CACNA1G: variants seen among roughly 807,000 people sequenced by gnomAD.
CACNA1G encodes calcium voltage-gated channel subunit alpha1 G.
In CACNA1G, 67 loss-of-function variants were observed where a neutral mutation model predicts 219.4. The ratio of observed to expected loss-of-function variants is 0.31; its 90% CI spans 0.25 to 0.37. The LOEUF (loss-of-function observed/expected upper bound fraction) is 0.37, where lower values mean the gene tolerates loss of function less well. Ranked by LOEUF, CACNA1G falls within the 10% of genes least tolerant of loss-of-function variation. The probability of loss-of-function intolerance (pLI) is 1.00; values close to 1 mark genes in which losing one functional copy is unlikely to be tolerated. For missense variants in CACNA1G, 2,380 were observed against 3,231.4 expected (o/e 0.74, Z 6.39); for synonymous variants, 1,296 against 1,345.3 (o/e 0.96, Z 0.80).
Position 50,578,641 on chromosome 17 carries a change from C to A in CACNA1G, c.2301+77C>A. 1 of 1,405,400 alleles carries A rather than the reference C, an allele frequency of 7.1e-7. No homozygotes were observed. The highest frequency in any genetic ancestry group is 9.5e-7 in the Non-Finnish European group (1 of 1,047,370). The allele number at this position is 1,405,400 out of a possible 1,614,324, so 87.1% of individuals were successfully genotyped here. On this transcript the variant is annotated intron_variant, in intron 9 of 37. Coordinates refer to ENST00000359106, the MANE Select transcript of CACNA1G (RefSeq NM_018896.5). The surrounding 1 kb of genome is among the most constrained non-coding windows in gnomAD (Gnocchi z 4.5). ...CTGGGGCCTTCTACCTCCCTCCGCA[C>A]CCCTCCTCCTGAGCTCAGCTTCCTC...
chr17:50,598,147 C>T (rs1265726255), intron 16 of CACNA1G, among the ~76,000 whole-genome samples: 3 of 152,218 alleles, frequency 2.0e-5, no homozygotes, highest in African/African-American at 7.2e-5. Context: ...CCTGCCTCAG[C>T]CACCTGATTA....
At chr17:50,624,574 C>T in intron 37 of CACNA1G, 45 bp downstream of exon 37, 6 of 1,493,730 alleles carry the variant, frequency 4.0e-6, no homozygotes, top group Non-Finnish European at 5.4e-6. Context: ...GGGCTGGACC[C>T]TCTGCTGCTG....
In CACNA1G at chr17:50,617,677, C is replaced by A; in HGVS notation, c.5155+106C>A. The A allele has an allele frequency of 6.8e-7, 1 of 1,476,166 alleles. No homozygotes were observed. Among genetic ancestry groups the A allele is most frequent in the South Asian group, 1.3e-5 (1 of 78,468 alleles). The allele number at this position is 1,476,166 out of a possible 1,614,324, so 91.4% of individuals were successfully genotyped here. A position where few individuals can be genotyped will look rare whatever the true frequency, so the allele number is the denominator to read the frequency against. On this transcript the variant is annotated intron_variant, in intron 29 of 37. Coordinates refer to ENST00000359106, the MANE Select transcript of CACNA1G (RefSeq NM_018896.5). This position sits in a 1 kb window ranked among gnomAD's most constrained non-coding sequence, Gnocchi z 5.8. ...CAAGGCCTGGGCGGCTGTGGGTTCC[C>A]ATGGGTCTTTCTCCCAGCTTCTGCC...
chr17:50,601,313 C>A lies in CACNA1G; in HGVS notation c.3915+139C>A, dbSNP rs933607483. ...AGGGGGCCAGGACTCTCCTTTAGGT[C>A]TCTCACCAGATCCTGGTCCCCGGGA... is the stretch of plus-strand genomic sequence containing the variant. On this transcript the variant is annotated intron_variant, in intron 19 of 37. Transcript: ENST00000359106. 1.1e-5 allele frequency: 12 copies of A among 1,046,698 alleles called. No homozygotes were observed. The African/African-American group carries it at 1.9e-4, about 17-fold the overall frequency. 64.8% of individuals were successfully genotyped at this position (1,046,698 alleles called of 1,614,324 possible). A position where few individuals can be genotyped will look rare whatever the true frequency, so the allele number is the denominator to read the frequency against.
At chr17:50,606,358 C>T (rs2047967485) in intron 23 of CACNA1G, 2 of 616,526 alleles carry the variant, frequency 3.2e-6, no homozygotes, top group African/African-American at 1.8e-5. Context: ...GAATCCTGTG[C>T]AAATCCTGAC....
intron 34 of CACNA1G, among the ~76,000 whole-genome samples, chr17:50,620,586 T>C (rs556913362): frequency 6.6e-6 from 1 of 151,676 alleles, no homozygotes; most frequent in African/African-American, 2.4e-5. Flanking sequence ...GGCCCCACCC[T>C]CCCTCCACCT....
At chr17:50,625,208 A>G (rs1235066780) in intron 37 of CACNA1G, among the ~76,000 whole-genome samples, 1 of 152,076 alleles carries the variant, frequency 6.6e-6, no homozygotes, top group Non-Finnish European at 1.5e-5. Context: ...CGCCTCGGCC[A>G]CCCAAAGTGC....
chr17:50,599,961 C>T (rs1047425499), intron 17 of CACNA1G, 102 bp downstream of exon 17: 10 of 1,178,732 alleles, frequency 8.5e-6, no homozygotes, highest in South Asian at 1.5e-5. Flanking sequence ...TCCAAGCCCA[C>T]GGAATATCAA....
At position 50,609,949 on chromosome 17, in the gene CACNA1G, G is replaced by T; in HGVS notation, c.4759+14G>T. On this transcript the variant is annotated intron_variant, in intron 26 of 37. Coordinates refer to ENST00000359106, the MANE Select transcript of CACNA1G (RefSeq NM_018896.5). ...GCGCTGCGTCAGGTACTGCGTCTGG[G>T]GTGTGGGCTCATGCGTGTGGGGACA... 1 of 1,607,944 alleles carries T rather than the reference G, an allele frequency of 6.2e-7. No individual in the cohort carries two copies.
Position 50,576,124 on chromosome 17 carries a change from G to T in CACNA1G, c.1722G>T (p.Arg574Ser). ...TCCGCTGCCAGGCGCCCCCTCCCAG[G>T]TCCCCATCTGAGGCATCCGGCAGGA... ...EPVRCQAPPP[R>S]SPSEASGRTV... The change falls in exon 8 of 38, where the codon AGG becomes AGT. Residue 574 changes from arginine (R) to serine (S), a missense_variant. Physicochemically the swap from Arg to Ser is moderately radical, Grantham distance 110. Transcript: ENST00000359106. The T allele has an allele frequency of 1.2e-6, 2 of 1,603,618 alleles. No individual in the cohort carries two copies. The highest frequency in any genetic ancestry group is 1.7e-6 in the Non-Finnish European group (2 of 1,175,930).
At chr17:50,590,286 C>T (rs2044005122) in intron 9 of CACNA1G, among the ~76,000 whole-genome samples, 185 bp from the exon 10 acceptor site, 1 of 152,112 alleles carries the variant, frequency 6.6e-6, no homozygotes, top group African/African-American at 2.4e-5. Context: ...GGGCCCCTGC[C>T]CCTGGGTGCA....
At chr17:50,601,021 C>A (rs373435205) in intron 18 of CACNA1G, 30 bp from the exon 19 acceptor site, 3 of 1,609,182 alleles carry the variant, frequency 1.9e-6, no homozygotes, top group Admixed American at 1.7e-5. Flanking sequence ...CTGCCTCCCC[C>A]TCTCAGCCGT....
rs1214718493 is a variant in CACNA1G at position 50,604,300 on chromosome 17, G to A, written c.4296+19G>A. 4 of 1,610,710 alleles carry A rather than the reference G, an allele frequency of 2.5e-6. No homozygotes were observed. Among genetic ancestry groups the A allele is most frequent in the African/African-American group, 1.3e-5 (1 of 74,880 alleles). ...GGTGCAGGTGTGTGGGGTTCTGGGG[G>A]CCAGCTGTGGGTGAAAGCCTGAAGA... On this transcript the variant is annotated intron_variant, in intron 22 of 37. Transcript: ENST00000359106.
intron 26 of CACNA1G, among the ~76,000 whole-genome samples, chr17:50,612,074 C>A (rs1025931521): frequency 1.3e-5 from 2 of 152,254 alleles, no homozygotes; most frequent in South Asian, 2.1e-4. Flanking sequence ...TATGCCAGAG[C>A]TTTTCAAACT....
rs988846025 is a variant in CACNA1G at position 50,572,132 on chromosome 17, T to C, written c.746+95T>C. Reference sequence around the variant, plus strand: ...CACTTCCGGTTGCTACTGACATATCTGTTCTAACATCTGAGACATATCTGG... The same window carrying C: ...CACTTCCGGTTGCTACTGACATATCCGTTCTAACATCTGAGACATATCTGG... On this transcript the variant is annotated intron_variant, in intron 5 of 37. Transcript: ENST00000359106. 7.5e-6 allele frequency: 10 copies of C among 1,327,318 alleles called. No individual in the cohort carries two copies. The African/African-American group carries it at 1.3e-4, about 17-fold the overall frequency. 82.2% of individuals were successfully genotyped at this position (1,327,318 alleles called of 1,614,324 possible).
In CACNA1G at chr17:50,596,693, G is replaced by A. The variant is rs750288055; in HGVS notation, c.3065-37G>A. ...CGACTTTTGGCCCTGGGCCAGCCCT[G>A]TGTGGACTCGGGATCTCTCCCTCTC... is the stretch of plus-strand genomic sequence containing the variant. On this transcript the variant is annotated intron_variant, in intron 15 of 37. Transcript: ENST00000359106. The surrounding 1 kb of genome is among the most constrained non-coding windows in gnomAD (Gnocchi z 4.8). 1.2e-6 allele frequency: 2 copies of A among 1,613,430 alleles called. No homozygotes were observed. Among genetic ancestry groups the A allele is most frequent in the East Asian group, 4.5e-5 (2 of 44,884 alleles).
Position 50,578,652 on chromosome 17 carries a change from G to A in CACNA1G, c.2301+88G>A. 1 of 1,342,580 alleles carries A rather than the reference G, an allele frequency of 7.4e-7. No homozygotes were observed. Among genetic ancestry groups the A allele is most frequent in the Admixed American group, 2.5e-5 (1 of 39,512 alleles). The allele number at this position is 1,342,580 out of a possible 1,614,324, so 83.2% of individuals were successfully genotyped here. A position where few individuals can be genotyped will look rare whatever the true frequency, so the allele number is the denominator to read the frequency against. Reference sequence around the variant, plus strand: ...TACCTCCCTCCGCACCCCTCCTCCTGAGCTCAGCTTCCTCTCCATGCTGCT... The same window carrying A: ...TACCTCCCTCCGCACCCCTCCTCCTAAGCTCAGCTTCCTCTCCATGCTGCT... On this transcript the variant is annotated intron_variant, in intron 9 of 37. Transcript: ENST00000359106. This position sits in a 1 kb window ranked among gnomAD's most constrained non-coding sequence, Gnocchi z 4.5.
rs764948610 is a variant in CACNA1G, at chr17:50,569,152, G to C, written c.355-13G>C. ...CACGTCTCAGTTTCAGCCACCTCTT[G>C]TCCCCACATCAGGCCTTTGATGACT... On this transcript the variant is annotated splice_polypyrimidine_tract_variant and intron_variant, in intron 2 of 37. Coordinates refer to ENST00000359106, the MANE Select transcript of CACNA1G (RefSeq NM_018896.5). The C allele has an allele frequency of 2.5e-6, 4 of 1,612,526 alleles. No homozygotes were observed. The highest frequency in any genetic ancestry group is 3.4e-6 in the Non-Finnish European group (4 of 1,178,954).
chr17:50,607,365 G>T (rs2048167413), intron 24 of CACNA1G: 1 of 364,432 alleles, frequency 2.7e-6, no homozygotes, highest in Admixed American at 3.9e-5. Context: ...AATTAGCCGG[G>T]TGTGGTGGTA....
Sources: allele counts gnomAD v4.1 joint callset (sites outside exome capture counted in the v4.1 genomes callset), GRCh38; gene constraint gnomAD v4.1.1; non-coding constraint Gnocchi (gnomAD v3.1); transcripts MANE v1.5; gene names NCBI Gene and HGNC (gene_info 2026-07-23, HGNC 2026-07-21).